ADAMTS10: variants seen among roughly 807,000 people sequenced by gnomAD.
ADAMTS10 encodes ADAM metallopeptidase with thrombospondin type 1 motif 10.
In ADAMTS10, 48 loss-of-function variants were observed where a neutral mutation model predicts 135.9. The ratio of observed to expected loss-of-function variants is 0.35; its 90% CI spans 0.28 to 0.45. The LOEUF (loss-of-function observed/expected upper bound fraction) is 0.45. Among genes scored for constraint, ADAMTS10 ranks in the 20% least tolerant of loss-of-function variants. The pLI, the probability that ADAMTS10 is intolerant of heterozygous loss-of-function variation, is 1.00. For missense variants in ADAMTS10, 1,131 were observed against 1,565.2 expected, an observed-to-expected ratio of 0.72 and a Z score of 4.68; for synonymous variants, 621 against 647.5, an observed-to-expected ratio of 0.96 and a Z score of 0.62.
chr19:8,583,169 A>G (rs1047842850), intron 25 of ADAMTS10, among the ~76,000 whole-genome samples: 12 of 152,186 alleles, frequency 7.9e-5, no homozygotes, highest in Non-Finnish European at 1.5e-4. Flanking sequence ...TAAAGAAACA[A>G]AAACACAGAG....
intron 6 of ADAMTS10, among the ~76,000 whole-genome samples, chr19:8,600,649 C>T (rs2042656441): frequency 6.6e-6 from 1 of 152,010 alleles, no homozygotes. Flanking sequence ...CAGGCGCCCG[C>T]CACCACACTC....
In ADAMTS10 at chr19:8,586,994, T is replaced by C. The variant is rs577487018; in HGVS notation, c.2159-98A>G. The C allele has an allele frequency of 1.0e-4, 127 of 1,264,928 alleles. 4 individuals are homozygous for C. The South Asian group carries it at 1.5e-3, about 15-fold the overall frequency. The allele number at this position is 1,264,928 out of a possible 1,614,324, so 78.4% of individuals were successfully genotyped here. A position where few individuals can be genotyped will look rare whatever the true frequency, so the allele number is the denominator to read the frequency against. On this transcript the variant is annotated intron_variant, in intron 18 of 25. Coordinates refer to ENST00000597188, the MANE Select transcript of ADAMTS10 (RefSeq NM_030957.4). The stretch of plus-strand genomic sequence containing the variant: ...CATGAGGATAACAGCTAACTATTAC[T>C]GCGCTAAACACACATCTAACTGCAC...
At chr19:8,589,777 G>A in intron 16 of ADAMTS10, 112 bp downstream of exon 16, 2 of 1,397,684 alleles carry the variant, frequency 1.4e-6, no homozygotes, top group Non-Finnish European at 9.9e-7. Context: ...TGTCTCCCCG[G>A]GTGGGGACAG....
rs56027355 is a variant in ADAMTS10, at chr19:8,585,952, A to G, written c.2660+170T>C. Among the ~76,000 whole-genome samples, 5,380 of 152,150 alleles carry G rather than the reference A, an allele frequency of 0.035. 230 individuals carry two copies. Among genetic ancestry groups the G allele is most frequent in the African/African-American group, 0.1 (4,317 of 41,508 alleles). On this transcript the variant is annotated intron_variant, in intron 22 of 25. Coordinates refer to ENST00000597188, the MANE Select transcript of ADAMTS10 (RefSeq NM_030957.4). ...CTTTGACCGCCACCTTGGGGGCACT[A>G]TTACCTTGGACTCCCCCATAACTCC...
At chr19:8,598,841 T>C (rs1555740840) in intron 6 of ADAMTS10, among the ~76,000 whole-genome samples, 83 of 151,292 alleles carry the variant, frequency 5.5e-4, no homozygotes, top group African/African-American at 2.0e-3. Flanking sequence ...TCCCAAAGTG[T>C]TGGGATTACA....
chr19:8,589,632 C>A, intron 16 of ADAMTS10, 47 bp from the exon 17 acceptor site: 1 of 1,610,882 alleles, frequency 6.2e-7, no homozygotes, highest in Non-Finnish European at 8.5e-7. Flanking sequence ...CACCCCGGAA[C>A]TCTTTGCTTG....
Position 8,586,486 on chromosome 19 carries a change from G to A in ADAMTS10, c.2404-16C>T, listed in dbSNP as rs782336542. ...GGGCCAGCACCTGGAGAAAGGGGGC[G>A]GCAGCCAGTGGAAGGATCGCATGGA... is the stretch of plus-strand genomic sequence containing the variant. On this transcript the variant is annotated splice_polypyrimidine_tract_variant and intron_variant, in intron 20 of 25. Coordinates refer to ENST00000597188, the MANE Select transcript of ADAMTS10 (RefSeq NM_030957.4). 3 of 1,613,278 alleles carry A rather than the reference G, an allele frequency of 1.9e-6. No homozygotes were observed. Among genetic ancestry groups the A allele is most frequent in the Middle Eastern group, 3.3e-4 (2 of 6,062 alleles).
At chr19:8,584,554 CA>C (rs1393868058) in intron 25 of ADAMTS10, among the ~76,000 whole-genome samples, 11 of 152,126 alleles carry the variant, frequency 7.2e-5, no homozygotes, top group Non-Finnish European at 1.2e-4. Context: ...TCATCTAGCT[CA>C]AAATGTCACT....
rs1412122243 is a variant in ADAMTS10, at chr19:8,592,650, G to A, written c.1587+113C>T. On this transcript the variant is annotated intron_variant, in intron 13 of 25. Transcript: ENST00000597188. ...CCGAGGGAGCACAAATGGCGGGCGT[G>A]GCCAATGTGGGAGGGAGCAGATAAT... 10 of 1,098,532 alleles carry A rather than the reference G, an allele frequency of 9.1e-6. No homozygotes were observed. In the East Asian group the frequency reaches 1.0e-4, roughly 11 times the overall value. The allele number at this position is 1,098,532 out of a possible 1,614,324, so 68.0% of individuals were successfully genotyped here. A position where few individuals can be genotyped will look rare whatever the true frequency, so the allele number is the denominator to read the frequency against.
intron 1 of ADAMTS10, among the ~76,000 whole-genome samples, chr19:8,610,338 CCAAACACA>C (rs1182952903): frequency 1.0e-4 from 10 of 98,242 alleles, no homozygotes; most frequent in East Asian, 2.2e-4. Context: ...CACACACTGT[CCAAACACA>C]CAGACACACA....
At chr19:8,607,380 C>T (rs2146107721) in intron 2 of ADAMTS10, among the ~76,000 whole-genome samples, 1 of 152,250 alleles carries the variant, frequency 6.6e-6, no homozygotes. Context: ...ACCCCGTCCT[C>T]CATTCAGATT....
intron 25 of ADAMTS10, among the ~76,000 whole-genome samples, chr19:8,584,154 C>CAAAAAAAAAA (rs34412373): frequency 2.2e-5 from 1 of 44,892 alleles, no homozygotes; most frequent in Non-Finnish European, 4.2e-5. Flanking sequence ...GACTCCATCT[C>CAAAAAAAAAA]AAAAAAAAAA....
chr19:8,582,109 C>CT (rs1284662441), intron 25 of ADAMTS10, among the ~76,000 whole-genome samples: 1 of 152,090 alleles, frequency 6.6e-6, no homozygotes, highest in African/African-American at 2.4e-5. Context: ...TCCATTGTTC[C>CT]TTTTCATAGC....
intron 16 of ADAMTS10, 66 bp downstream of exon 16, chr19:8,589,823 A>G: frequency 6.6e-7 from 1 of 1,524,834 alleles, no homozygotes; most frequent in East Asian, 2.3e-5. Context: ...GCATTCATCC[A>G]CCTGCTGCTG....
chr19:8,581,946 G>A (rs898260821), intron 25 of ADAMTS10, among the ~76,000 whole-genome samples: 6 of 151,802 alleles, frequency 4.0e-5, no homozygotes, highest in Admixed American at 3.9e-4. Flanking sequence ...CTGGAGGATC[G>A]CTTGAGCCCA....
rs547232959 is a variant in ADAMTS10 at position 8,591,773 on chromosome 19, C to A, written c.1797+27G>T. ...CTGTTTTTAATGCTTCCTCCCCCCA[C>A]CCCTCAAGGGGTTTGGGGGAACTCA... is the stretch of plus-strand genomic sequence containing the variant. On this transcript the variant is annotated intron_variant, in intron 15 of 25. Coordinates refer to ENST00000597188, the MANE Select transcript of ADAMTS10 (RefSeq NM_030957.4). The A allele has an allele frequency of 2.1e-5, 34 of 1,610,768 alleles. 1 individual carries two copies. The South Asian group carries it at 3.7e-4, about 18-fold the overall frequency.
At chr19:8,604,367 A>G (rs2042697319) in intron 4 of ADAMTS10, among the ~76,000 whole-genome samples, 1 of 150,182 alleles carries the variant, frequency 6.7e-6, no homozygotes, top group Non-Finnish European at 1.5e-5. Flanking sequence ...TCAGCCTCTA[A>G]TTTCTTTTTA....
chr19:8,605,382 G>T lies in ADAMTS10; in HGVS notation c.89-24C>A, dbSNP rs377553844. The T allele has an allele frequency of 3.8e-6, 6 of 1,570,490 alleles. No individual in the cohort carries two copies. The highest frequency in any genetic ancestry group is 5.2e-6 in the Non-Finnish European group (6 of 1,157,154). ...ATCTGTGGGTGAGGGTCAGAGGCCT[G>T]GGGTGGGCCCTGGTCTTATTGGACC... On this transcript the variant is annotated intron_variant, in intron 3 of 25. Coordinates refer to ENST00000597188, the MANE Select transcript of ADAMTS10 (RefSeq NM_030957.4). The surrounding 1 kb of genome is among the most constrained non-coding windows in gnomAD (Gnocchi z 7.7).
chr19:8,605,507 AG>A lies in ADAMTS10; in HGVS notation c.88+115del. On this transcript the variant is annotated intron_variant, in intron 3 of 25. Coordinates refer to ENST00000597188, the MANE Select transcript of ADAMTS10 (RefSeq NM_030957.4). This position sits in a 1 kb window ranked among gnomAD's most constrained non-coding sequence, Gnocchi z 7.7. ...TGCAAGGCTCCCGCCTATTGACCCC[AG>A]GGCCTTCCCCCATTGACCCCCATCC... 1 of 1,470,008 alleles carries A rather than the reference AG, an allele frequency of 6.8e-7. No homozygotes were observed. The highest frequency in any genetic ancestry group is 1.2e-5 in the South Asian group (1 of 81,968). 91.1% of individuals were successfully genotyped at this position (1,470,008 alleles called of 1,614,324 possible).
Sources: gnomAD v4.1 joint callset for allele counts (sites outside exome capture counted in the v4.1 genomes callset) on GRCh38, gnomAD v4.1.1 for gene constraint, Gnocchi (gnomAD v3.1) non-coding constraint, MANE v1.5 for transcripts, NCBI Gene and HGNC (gene_info 2026-07-23, HGNC 2026-07-21) for gene names.